The following BCAS3 variants were observed in gnomAD, a reference collection of about 807,000 sequenced individuals.
BCAS3 encodes the protein BCAS4/BCAS3 fusion.
Under a neutral mutation model 116.1 loss-of-function variants are expected in BCAS3, and 53 were observed. That is an observed-to-expected ratio of 0.46 (90% CI 0.37 to 0.57). BCAS3 has a LOEUF of 0.57. BCAS3 is among the 20% of genes least tolerant of loss of function. The pLI, the probability that BCAS3 is intolerant of heterozygous loss-of-function variation, is 0.00. For missense variants in BCAS3, 917 were observed against 1,165.4 expected, an observed-to-expected ratio of 0.79 and a Z score of 3.10; for synonymous variants, 391 against 408.2, an observed-to-expected ratio of 0.96 and a Z score of 0.51.
chr17:60,814,816 T>A (rs1395633619), intron 7 of BCAS3, among the ~76,000 whole-genome samples: 1 of 152,188 alleles, frequency 6.6e-6, no homozygotes, highest in Non-Finnish European at 1.5e-5. Flanking sequence ...AGCAATAATA[T>A]AAGAAGGACA....
intron 5 of BCAS3, among the ~76,000 whole-genome samples, chr17:60,736,880 C>G (rs932305817): frequency 2.3e-5 from 3 of 131,178 alleles, no homozygotes; most frequent in African/African-American, 8.7e-5. Context: ...TCTTTTCCTT[C>G]CCTCCCTCCC....
chr17:61,217,096 A>G lies in BCAS3; in HGVS notation c.2425+132532A>G, dbSNP rs1453442847. Among the ~76,000 whole-genome samples the G allele has an allele frequency of 1.3e-5, 2 of 151,370 alleles. No homozygotes were observed. Among genetic ancestry groups the G allele is most frequent in the Non-Finnish European group, 2.9e-5 (2 of 67,916 alleles). On this transcript the variant is annotated intron_variant, in intron 22 of 23. Coordinates refer to ENST00000407086, the MANE Select transcript of BCAS3 (RefSeq NM_017679.5). This position sits in a 1 kb window ranked among gnomAD's most constrained non-coding sequence, Gnocchi z 5.2. ...GGAGATCGAGACCATCCTGGCTAACACGGTGAAACCCCGTCTCTACTAAAA... is the reference window on the plus strand; with the variant it reads ...GGAGATCGAGACCATCCTGGCTAACGCGGTGAAACCCCGTCTCTACTAAAA...
At chr17:61,177,412 G>A (rs1205132568) in intron 22 of BCAS3, among the ~76,000 whole-genome samples, 1 of 152,036 alleles carries the variant, frequency 6.6e-6, no homozygotes, top group Admixed American at 6.6e-5. Flanking sequence ...CGATAATATG[G>A]GTGGATCTCA....
chr17:60,829,471 A>T (rs2050724620), intron 7 of BCAS3, among the ~76,000 whole-genome samples: 1 of 149,776 alleles, frequency 6.7e-6, no homozygotes, highest in Non-Finnish European at 1.5e-5. Context: ...TCCAGCGTGG[A>T]CAATAGAGCA....
At chr17:61,319,456 G>T (rs1408166364) in intron 22 of BCAS3, among the ~76,000 whole-genome samples, 1 of 152,024 alleles carries the variant, frequency 6.6e-6, no homozygotes, top group African/African-American at 2.4e-5. Context: ...CTGTCAGAAT[G>T]TTGACTCTAG....
rs369867677 is a variant in BCAS3, at chr17:60,904,998, A to C, written c.822+2295A>C. Among the ~76,000 whole-genome samples, 8 of 152,342 alleles carry C rather than the reference A, an allele frequency of 5.3e-5. No individual in the cohort carries two copies. The East Asian group carries it at 1.5e-3, about 29-fold the overall frequency. On this transcript the variant is annotated intron_variant, in intron 11 of 23. Transcript: ENST00000407086. The stretch of plus-strand genomic sequence containing the variant: ...TGGTTTGATGAAGCCAGATCACCTT[A>C]ATACTAAAACTTTAGAAGAGCATTA...
Position 61,029,351 on chromosome 17 carries a change from C to T in BCAS3, c.1638-5315C>T, listed in dbSNP as rs931161721. Among the ~76,000 whole-genome samples, 1 of 151,844 alleles carries T rather than the reference C, an allele frequency of 6.6e-6. No homozygotes were observed. The highest frequency in any genetic ancestry group is 1.5e-5 in the Non-Finnish European group (1 of 67,848). ...TCGTTCCCTTTGGTAACAAAATAAG[C>T]TTGTTGGAAAGTAAACTATGCATCT... is the stretch of plus-strand genomic sequence containing the variant. On this transcript the variant is annotated intron_variant, in intron 16 of 23. Transcript: ENST00000407086. This position sits in a 1 kb window ranked among gnomAD's most constrained non-coding sequence, Gnocchi z 5.2.
At chr17:60,887,942 T>C (rs531554813) in intron 9 of BCAS3, among the ~76,000 whole-genome samples, 2 of 152,224 alleles carry the variant, frequency 1.3e-5, no homozygotes, top group African/African-American at 4.8e-5. Flanking sequence ...TCTTTTAACA[T>C]CCAGTTCTCT....
rs1353558941 is a variant in BCAS3 at position 61,130,651 on chromosome 17, T to C, written c.2425+46087T>C. ...TGAATGGAGATTTAAAAAGTCTAGC[T>C]ATGCTTCTTGTACATCCCCTCTAGG... On this transcript the variant is annotated intron_variant, in intron 22 of 23. Transcript: ENST00000407086. This position sits in a 1 kb window ranked among gnomAD's most constrained non-coding sequence, Gnocchi z 5.0. 6.6e-6 allele frequency: 1 copy of C among 152,290 alleles called. No homozygotes were observed. The highest frequency in any genetic ancestry group is 2.4e-5 in the African/African-American group (1 of 41,476). 9.4% of individuals were successfully genotyped at this position (152,290 alleles called of 1,614,324 possible). A position where few individuals can be genotyped will look rare whatever the true frequency, so the allele number is the denominator to read the frequency against.
intron 22 of BCAS3, among the ~76,000 whole-genome samples, chr17:61,216,239 C>T (rs140846286): frequency 4.6e-5 from 7 of 152,220 alleles, no homozygotes; most frequent in Non-Finnish European, 8.8e-5. Context: ...AAGTTCAGGA[C>T]GGCCTGAGAC....
At chr17:60,923,806 C>G (rs985763547) in intron 12 of BCAS3, among the ~76,000 whole-genome samples, 1 of 152,104 alleles carries the variant, frequency 6.6e-6, no homozygotes, top group Non-Finnish European at 1.5e-5. Context: ...ACAGAGGTAC[C>G]TATTCTAATG....
At chr17:61,375,401 C>T (rs1223608598) in intron 23 of BCAS3, among the ~76,000 whole-genome samples, 1 of 152,026 alleles carries the variant, frequency 6.6e-6, no homozygotes, top group African/African-American at 2.4e-5. Context: ...CTAGAATCAG[C>T]TCTTCCAAAG....
At position 60,995,154 on chromosome 17, in the gene BCAS3, A is replaced by ATTCTT. The variant is rs1377476960; in HGVS notation, c.1486+4932_1486+4936dup. On this transcript the variant is annotated intron_variant, in intron 15 of 23. Transcript: ENST00000407086. The surrounding 1 kb of genome is among the most constrained non-coding windows in gnomAD (Gnocchi z 4.7). ...CACCATGCCCAGCTAATTCTATTCT[A>ATTCTT]TTCTTTTCTTTTCTTTTAGACGGAG... Among the ~76,000 whole-genome samples, 22 of 151,250 alleles carry ATTCTT rather than the reference A, an allele frequency of 1.5e-4. No individual in the cohort carries two copies. Among genetic ancestry groups the ATTCTT allele is most frequent in the African/African-American group, 4.6e-4 (19 of 41,114 alleles).
At chr17:61,262,054 T>C (rs75049083) in intron 22 of BCAS3, among the ~76,000 whole-genome samples, 4 of 152,250 alleles carry the variant, frequency 2.6e-5, no homozygotes, top group African/African-American at 9.6e-5. Context: ...GGAATAAGAA[T>C]TGGAAGAAAA....
chr17:60,703,257 A>G (rs2143954658), intron 4 of BCAS3, among the ~76,000 whole-genome samples: 1 of 151,276 alleles, frequency 6.6e-6, no homozygotes, highest in Non-Finnish European at 1.5e-5. Context: ...CCTGAGCGAC[A>G]GAGTGAGACT....
In BCAS3 at chr17:61,199,320, A is replaced by G. The variant is rs1010296838; in HGVS notation, c.2425+114756A>G. On this transcript the variant is annotated intron_variant, in intron 22 of 23. Transcript: ENST00000407086. The surrounding 1 kb of genome is among the most constrained non-coding windows in gnomAD (Gnocchi z 4.6). The stretch of plus-strand genomic sequence containing the variant: ...CTTACTCTTTCCTCTCTACACTGCC[A>G]CAGCTACAACTGCTTCCCTGTCAAA... Among the ~76,000 whole-genome samples, 4 of 152,194 alleles carry G rather than the reference A, an allele frequency of 2.6e-5. No homozygotes were observed. Among genetic ancestry groups the G allele is most frequent in the African/African-American group, 7.2e-5 (3 of 41,434 alleles).
At chr17:61,173,254 AGCCTG>A (rs1601719931) in intron 22 of BCAS3, among the ~76,000 whole-genome samples, 1 of 152,184 alleles carries the variant, frequency 6.6e-6, no homozygotes, top group East Asian at 1.9e-4. Flanking sequence ...AGTTGACACC[AGCCTG>A]GCCAACACTG....
In BCAS3 at chr17:61,086,393, A is replaced by G. The variant is rs537768665; in HGVS notation, c.2425+1829A>G. ...CAGGCATGAGCCACTGCGTCTGGCC[A>G]ACATTCCATATTTATCATGTAGCAA... On this transcript the variant is annotated intron_variant, in intron 22 of 23. Transcript: ENST00000407086. Among the ~76,000 whole-genome samples the G allele has an allele frequency of 4.6e-5, 7 of 152,292 alleles. No homozygotes were observed. In the East Asian group the frequency reaches 1.4e-3, roughly 29 times the overall value.
intron 14 of BCAS3, among the ~76,000 whole-genome samples, chr17:60,981,361 C>T (rs2062805621): frequency 6.6e-6 from 1 of 151,894 alleles, no homozygotes. Flanking sequence ...CTCACTGCAG[C>T]CTCTGCCTCC....
Sources: allele counts gnomAD v4.1 joint callset (sites outside exome capture counted in the v4.1 genomes callset), GRCh38; gene constraint gnomAD v4.1.1; non-coding constraint Gnocchi (gnomAD v3.1); transcripts MANE v1.5; gene names NCBI Gene and HGNC (gene_info 2026-07-23, HGNC 2026-07-21).